Variants in XPO4 observed in about 807,000 individuals in gnomAD.
XPO4 encodes the protein exportin 4, also known as exportin-4.
A neutral mutation model predicts 143.0 loss-of-function variants in XPO4; 39 were observed. The observed-to-expected ratio is 0.27, with a 90% CI of 0.21 to 0.36. The LOEUF is 0.36. Among genes scored for constraint, XPO4 ranks in the 10% least tolerant of loss-of-function variants. The pLI, the probability that XPO4 is intolerant of heterozygous loss-of-function variation, is 1.00. For missense variants in XPO4, 907 were observed against 1,348.0 expected (o/e 0.67, Z 5.12); for synonymous variants, 439 against 474.0 (o/e 0.93, Z 0.96).
chr13:20,820,678 G>A lies in XPO4; in HGVS notation c.1173+1026C>T, dbSNP rs1409922698. The stretch of plus-strand genomic sequence containing the variant: ...CATGCCTTTAAACTTCTATTTTTCT[G>A]TTACTACATTTTCTCTACCGTATAA... On this transcript the variant is annotated intron_variant, in intron 9 of 22. Coordinates refer to ENST00000255305, the MANE Select transcript of XPO4 (RefSeq NM_022459.5). Among the ~76,000 whole-genome samples, 3 of 152,046 alleles carry A rather than the reference G, an allele frequency of 2.0e-5. No homozygotes were observed. In the East Asian group the frequency reaches 5.8e-4, roughly 29 times the overall value.
intron 18 of XPO4, among the ~76,000 whole-genome samples, chr13:20,791,973 C>G (rs976515732): frequency 2.7e-4 from 41 of 152,180 alleles, no homozygotes; most frequent in African/African-American, 9.7e-4. Context: ...AGCCTGGATT[C>G]TACCCAAGGA....
chr13:20,780,282 T>C lies in XPO4; in HGVS notation c.*3440A>G, dbSNP rs528253060. ...TCTAACAACAGAGGTGGCAAACAGA[T>C]AAAAATTGTTTAACAGAGAAAAATA... On this transcript the variant is annotated 3_prime_UTR_variant, in exon 23 of 23. Transcript: ENST00000255305. 8 of 152,288 alleles carry C rather than the reference T, an allele frequency of 5.3e-5. 1 individual carries two copies. Among genetic ancestry groups the C allele is most frequent in the African/African-American group, 1.7e-4 (7 of 41,570 alleles). 9.4% of individuals were successfully genotyped at this position (152,288 alleles called of 1,614,324 possible).
chr13:20,827,090 T>C lies in XPO4; in HGVS notation c.817A>G (p.Arg273Gly). 1 of 1,613,684 alleles carries C rather than the reference T, an allele frequency of 6.2e-7. No homozygotes were observed. ...ACTGTGAAGAAAAGCTCCATAACTC[T>C]GCTGTCCAGAAGAGTCTCCCGCCAG... ...ESWRETLLDSRVMELFFTVHR... is the reference protein window; with the variant it reads ...ESWRETLLDSGVMELFFTVHR... The change falls in exon 7 of 23, where the codon AGA (arginine) becomes GGA (glycine). Residue 273 changes from arginine (R) to glycine (G), a missense_variant. Arg to Gly is a moderately radical substitution (Grantham distance 125, BLOSUM62 -2). Transcript: ENST00000255305.
rs1461080136 is a variant in XPO4 at position 20,796,173 on chromosome 13, A to G, written c.2700T>C (p.Asp900=). The G allele has an allele frequency of 2.5e-6, 4 of 1,613,748 alleles. No individual in the cohort carries two copies. In the Admixed American group the frequency reaches 5.0e-5, roughly 20 times the overall value. The stretch of plus-strand genomic sequence containing the variant: ...GGTATTGCTCTTCTTCTGCTGTAAC[A>G]TCTATTCTTTGCCGCCCTAAATTAT... ...SKNNLGRQRI[D]VTAEEEQYQD... The change falls in exon 18 of 23, where the codon GAT becomes GAC. Residue 900 remains aspartate, a synonymous_variant. Coordinates refer to ENST00000255305, the MANE Select transcript of XPO4 (RefSeq NM_022459.5).
At chr13:20,811,744 G>C (rs746780172) in intron 9 of XPO4, among the ~76,000 whole-genome samples, 1 of 152,174 alleles carries the variant, frequency 6.6e-6, no homozygotes, top group Non-Finnish European at 1.5e-5. Flanking sequence ...CAGAAAACAA[G>C]GCAGTGGTGG....
At position 20,783,058 on chromosome 13, in the gene XPO4, C is replaced by T. The variant is rs1752858236; in HGVS notation, c.*664G>A. 6.6e-6 allele frequency: 1 copy of T among 152,114 alleles called. No individual in the cohort carries two copies. The highest frequency in any genetic ancestry group is 2.4e-5 in the African/African-American group (1 of 41,410). The allele number at this position is 152,114 out of a possible 1,614,324, so 9.4% of individuals were successfully genotyped here. ...GCAAGCTAAGAAAAAGCCAACAAAC[C>T]CCTGGTGATGTTTCCCCTTCCTGCT... is the stretch of plus-strand genomic sequence containing the variant. On this transcript the variant is annotated 3_prime_UTR_variant, in exon 23 of 23. Coordinates refer to ENST00000255305, the MANE Select transcript of XPO4 (RefSeq NM_022459.5).
chr13:20,809,958 C>T lies in XPO4; in HGVS notation c.1183G>A (p.Asp395Asn). 6.2e-7 allele frequency: 1 copy of T among 1,602,590 alleles called. No individual in the cohort carries two copies. Among genetic ancestry groups the T allele is most frequent in the Non-Finnish European group, 8.5e-7 (1 of 1,175,476 alleles). The change falls in exon 10 of 23, where the codon GAT becomes AAT. Residue 395 changes from aspartate to asparagine, a missense_variant. Asp to Asn is a conservative substitution (Grantham distance 23). Transcript: ENST00000255305. ...SAALEEVLDK[D>N]DMVYMEAYDK... is the part of the protein sequence containing the mutation. Reference sequence around the variant, plus strand: ...TATGCTTCCATGTATACCATGTCATCTTTATCAAGCTAAAAGAAAAGAACA... The same window carrying T: ...TATGCTTCCATGTATACCATGTCATTTTTATCAAGCTAAAAGAAAAGAACA...
At chr13:20,814,266 T>C (rs2137918272) in intron 9 of XPO4, among the ~76,000 whole-genome samples, 1 of 151,702 alleles carries the variant, frequency 6.6e-6, no homozygotes, top group East Asian at 1.9e-4. Context: ...ATCTAACACA[T>C]GTTATCGTGG....
Position 20,779,349 on chromosome 13 carries a change from G to A in XPO4, c.*4373C>T, listed in dbSNP as rs565072871. Reference sequence around the variant, plus strand: ...AAGCCTGGGCTCAGAAAACACTTGAGGTCAGATCCCTAGTAGGTACATAGT... The same window carrying A: ...AAGCCTGGGCTCAGAAAACACTTGAAGTCAGATCCCTAGTAGGTACATAGT... On this transcript the variant is annotated 3_prime_UTR_variant, in exon 23 of 23. Transcript: ENST00000255305. 1 of 152,612 alleles carries A rather than the reference G, an allele frequency of 6.6e-6. No individual in the cohort carries two copies. The highest frequency in any genetic ancestry group is 1.5e-5 in the Non-Finnish European group (1 of 68,004). 9.5% of individuals were successfully genotyped at this position (152,612 alleles called of 1,614,324 possible).
chr13:20,867,306 TCAC>T (rs2060252763), intron 2 of XPO4, among the ~76,000 whole-genome samples: 1 of 152,228 alleles, frequency 6.6e-6, no homozygotes, highest in African/African-American at 2.4e-5. Flanking sequence ...AGAGCCACCT[TCAC>T]CACTGCTGCT....
At chr13:20,870,587 G>A (rs1464529259) in intron 1 of XPO4, among the ~76,000 whole-genome samples, 3 of 151,868 alleles carry the variant, frequency 2.0e-5, no homozygotes, top group Non-Finnish European at 4.4e-5. Flanking sequence ...AAAATGAGTC[G>A]GGCTCAGTGG....
At chr13:20,790,035 C>T (rs1039815503) in intron 19 of XPO4, among the ~76,000 whole-genome samples, 7 of 152,162 alleles carry the variant, frequency 4.6e-5, no homozygotes, top group African/African-American at 1.4e-4. Flanking sequence ...TTACATGGTG[C>T]CCCTTGGAAA....
intron 6 of XPO4, among the ~76,000 whole-genome samples, chr13:20,841,365 AAAC>A (rs941626416): frequency 1.2e-5 from 1 of 80,076 alleles, no homozygotes; most frequent in African/African-American, 5.7e-5. Context: ...TTATTTAAAA[AAAC>A]AAACAAACAA....
At chr13:20,891,516 T>C (rs902306701) in intron 1 of XPO4, among the ~76,000 whole-genome samples, 16 of 152,160 alleles carry the variant, frequency 1.1e-4, no homozygotes, top group Non-Finnish European at 1.6e-4. Context: ...TCATTTTATC[T>C]TTGCACTAAC....
intron 9 of XPO4, among the ~76,000 whole-genome samples, chr13:20,814,501 C>T (rs1194317199): frequency 1.3e-5 from 2 of 152,208 alleles, no homozygotes; most frequent in Non-Finnish European, 2.9e-5. Flanking sequence ...TATAACTCAT[C>T]GAGCAAAGTG....
At chr13:20,819,604 G>A (rs1398586029) in intron 9 of XPO4, among the ~76,000 whole-genome samples, 1 of 151,978 alleles carries the variant, frequency 6.6e-6, no homozygotes, top group Non-Finnish European at 1.5e-5. Context: ...AGGTTGCAGT[G>A]AGCCAAGACC....
chr13:20,838,985 T>C (rs1389978603), intron 6 of XPO4, among the ~76,000 whole-genome samples: 3 of 152,110 alleles, frequency 2.0e-5, no homozygotes, highest in African/African-American at 7.2e-5. Flanking sequence ...GAAGCAAGGA[T>C]GGGTGCAGTG....
chr13:20,856,430 G>T, intron 3 of XPO4: 1 of 819,404 alleles, frequency 1.2e-6, no homozygotes, highest in Non-Finnish European at 1.5e-6. Flanking sequence ...GACCACAAGG[G>T]CACAGAAACT....
At chr13:20,856,427 A>G (rs2060144868) in intron 3 of XPO4, 1 of 840,666 alleles carries the variant, frequency 1.2e-6, no homozygotes. Context: ...TTTGACCACA[A>G]GGGCACAGAA....
Sources: gnomAD v4.1 joint callset for allele counts (sites outside exome capture counted in the v4.1 genomes callset) on GRCh38, gnomAD v4.1.1 for gene constraint, MANE v1.5 for transcripts, NCBI Gene and HGNC (gene_info 2026-07-23, HGNC 2026-07-21) for gene names.